Variants in EFCAB8 observed in about 807,000 individuals in gnomAD.
The protein encoded by EFCAB8 is EF-hand calcium-binding domain-containing protein 8.
EFCAB8 carries 100 observed loss-of-function variants against 116.3 expected under a neutral mutation model. That is an observed-to-expected ratio of 0.86 (90% CI 0.73 to 1.02). EFCAB8 has a LOEUF of 1.02. Ranked by LOEUF, EFCAB8 falls within the 50% of genes least tolerant of loss-of-function variation. EFCAB8 has a pLI of 0.00. For missense variants in EFCAB8, 1,320 were observed against 1,416.9 expected, an observed-to-expected ratio of 0.93 and a Z score of 1.10; for synonymous variants, 558 against 567.9, an observed-to-expected ratio of 0.98 and a Z score of 0.25.
chr20:32,892,406 C>A, intron 8 of EFCAB8, 109 bp downstream of exon 8: 1 of 908,486 alleles, frequency 1.1e-6, no homozygotes, highest in Non-Finnish European at 1.7e-6. Flanking sequence ...TTGGAAAGAT[C>A]TGGAAATATC....
intron 4 of EFCAB8, among the ~76,000 whole-genome samples, chr20:32,877,533 T>C (rs956045054): frequency 6.6e-6 from 1 of 152,230 alleles, no homozygotes; most frequent in Admixed American, 6.5e-5. Flanking sequence ...TAATGTTCTA[T>C]AATAAACATT....
At chr20:32,959,157 C>T (rs1335836371) in intron 24 of EFCAB8, among the ~76,000 whole-genome samples, 1 of 152,246 alleles carries the variant, frequency 6.6e-6, no homozygotes, top group Non-Finnish European at 1.5e-5. Context: ...GACATCCAGA[C>T]ACAGTCCTGC....
In EFCAB8 at chr20:32,893,208, G is replaced by A; in HGVS notation, c.793G>A (p.Asp265Asn). ...DYHRGVFCYGDAKGNVIVFTS... is the reference protein window; with the variant it reads ...DYHRGVFCYGNAKGNVIVFTS... ...TCACAGAGGTGTGTTCTGCTATGGAGACGCCAAAGGCAACGTCATTGTCTT... is the reference window on the plus strand; with the variant it reads ...TCACAGAGGTGTGTTCTGCTATGGAAACGCCAAAGGCAACGTCATTGTCTT... The change falls in exon 9 of 27, where the codon GAC (aspartate) becomes AAC (asparagine). Residue 265 changes from aspartate to asparagine, a missense_variant. Coordinates refer to ENST00000400522, the MANE Select transcript of EFCAB8 (RefSeq NM_001143967.2). 1.3e-6 allele frequency: 2 copies of A among 1,552,058 alleles called. No homozygotes were observed. Among genetic ancestry groups the A allele is most frequent in the Non-Finnish European group, 1.7e-6 (2 of 1,147,064 alleles).
chr20:32,931,020 G>T (rs1370620853), intron 21 of EFCAB8, among the ~76,000 whole-genome samples, 158 bp from the exon 22 acceptor site: 2 of 152,154 alleles, frequency 1.3e-5, no homozygotes, highest in East Asian at 1.9e-4. Flanking sequence ...GATCCCTAAG[G>T]CCCTTTCTGG....
At chr20:32,932,981 A>G (rs1035202606) in intron 22 of EFCAB8, among the ~76,000 whole-genome samples, 8 of 152,242 alleles carry the variant, frequency 5.3e-5, no homozygotes, top group Admixed American at 3.3e-4. Flanking sequence ...TATGTGAAGA[A>G]TTTATAATGT....
intron 7 of EFCAB8, among the ~76,000 whole-genome samples, chr20:32,891,573 G>C (rs1270760572): frequency 6.6e-6 from 1 of 152,202 alleles, no homozygotes; most frequent in African/African-American, 2.4e-5. Flanking sequence ...TGGAGCAGCT[G>C]TCATCTGCTC....
chr20:32,925,633 G>A lies in EFCAB8; in HGVS notation c.2413-4765G>A, dbSNP rs1055398387. 5.3e-5 allele frequency among the ~76,000 whole-genome samples: 8 copies of A among 152,366 alleles called. No homozygotes were observed. The East Asian group carries it at 7.7e-4, about 15-fold the overall frequency. The stretch of plus-strand genomic sequence containing the variant: ...CTCCCAAAGTGTTGGGATTACAGGC[G>A]TGAGCCACGGCGCCCAGCCCCTGAC... On this transcript the variant is annotated intron_variant, in intron 20 of 26. Transcript: ENST00000400522.
chr20:32,890,021 C>T (rs962470182), intron 7 of EFCAB8, among the ~76,000 whole-genome samples: 1 of 148,926 alleles, frequency 6.7e-6, no homozygotes, highest in South Asian at 2.1e-4. Flanking sequence ...AAAAAAAAAG[C>T]CTCTCCTGCA....
chr20:32,868,431 A>G (rs1265338529), intron 3 of EFCAB8, among the ~76,000 whole-genome samples: 1 of 152,162 alleles, frequency 6.6e-6, no homozygotes, highest in Non-Finnish European at 1.5e-5. Flanking sequence ...TTGCAAGCAT[A>G]TTGGAGGCTA....
chr20:32,862,556 C>G (rs1249198094), intron 1 of EFCAB8, among the ~76,000 whole-genome samples: 3 of 152,140 alleles, frequency 2.0e-5, no homozygotes, highest in African/African-American at 7.2e-5. Flanking sequence ...TGAGCTGTTG[C>G]CAAGACACTG....
Position 32,875,416 on chromosome 20 carries a change from G to C in EFCAB8, c.209-510G>C, listed in dbSNP as rs560973643. ...CTTTGGCTGGAGCCATCTCCCTTCT[G>C]TGCCCCCTGCAGTGGACCAGCTGAG... On this transcript the variant is annotated intron_variant, in intron 3 of 26. Coordinates refer to ENST00000400522, the MANE Select transcript of EFCAB8 (RefSeq NM_001143967.2). Among the ~76,000 whole-genome samples the C allele has an allele frequency of 1.3e-3, 192 of 151,784 alleles. 1 individual carries two copies. The highest frequency in any genetic ancestry group is 6.8e-3 in the Middle Eastern group (2 of 292).
At chr20:32,869,831 A>C (rs1169483369) in intron 3 of EFCAB8, among the ~76,000 whole-genome samples, 1 of 152,204 alleles carries the variant, frequency 6.6e-6, no homozygotes, top group South Asian at 2.1e-4. Context: ...ATATTGCTAC[A>C]TAATCTTCCA....
chr20:32,910,616 C>G (rs1986873398), intron 15 of EFCAB8, among the ~76,000 whole-genome samples: 1 of 152,172 alleles, frequency 6.6e-6, no homozygotes, highest in Non-Finnish European at 1.5e-5. Context: ...TGCCACCACC[C>G]TCTCTCACTG....
intron 22 of EFCAB8, among the ~76,000 whole-genome samples, chr20:32,935,192 C>CTTTCTTTTTTTTT (rs1988064158): frequency 2.9e-5 from 1 of 34,038 alleles, no homozygotes; most frequent in Non-Finnish European, 4.6e-5. Context: ...TTCTTTCTTT[C>CTTTCTTTTTTTTT]TTTTTTTTTT....
intron 5 of EFCAB8, among the ~76,000 whole-genome samples, chr20:32,879,921 C>T (rs1180913079): frequency 1.3e-5 from 2 of 152,180 alleles, no homozygotes; most frequent in East Asian, 1.9e-4. Flanking sequence ...AGGGGTTGAT[C>T]TGCCTCGCTG....
rs1986780964 is a variant in EFCAB8, at chr20:32,908,491, G to A, written c.1446+79G>A. 9 of 1,239,972 alleles carry A rather than the reference G, an allele frequency of 7.3e-6. No homozygotes were observed. The South Asian group carries it at 2.9e-4, about 40-fold the overall frequency. 76.8% of individuals were successfully genotyped at this position (1,239,972 alleles called of 1,614,324 possible). On this transcript the variant is annotated intron_variant, in intron 14 of 26. Coordinates refer to ENST00000400522, the MANE Select transcript of EFCAB8 (RefSeq NM_001143967.2). Reference sequence around the variant, plus strand: ...GTCTGAATCCCATGGGACACCCAAGGGGTGGCCACGTCCTGTCCCTCCTGG... The same window carrying A: ...GTCTGAATCCCATGGGACACCCAAGAGGTGGCCACGTCCTGTCCCTCCTGG...
chr20:32,961,246 G>A lies in EFCAB8; in HGVS notation c.3504G>A (p.Leu1168=). Residue 1168 remains leucine (L), a synonymous_variant, in exon 27 of 27, where the codon CTG becomes CTA. Transcript: ENST00000400522. ...ACCAGCAAGACCAGCACATCCGCCT[G>A]GTGGCCCACCATGTCCAGAAGGACC... The part of the protein sequence containing the change: ...GPDQQDQHIR[L]VAHHVQKDLV... The A allele has an allele frequency of 1.9e-6, 3 of 1,551,632 alleles. No individual in the cohort carries two copies. The highest frequency in any genetic ancestry group is 2.6e-6 in the Non-Finnish European group (3 of 1,146,822).
At chr20:32,954,067 A>G (rs1469277558) in intron 23 of EFCAB8, among the ~76,000 whole-genome samples, 2 of 152,092 alleles carry the variant, frequency 1.3e-5, no homozygotes, top group African/African-American at 4.8e-5. Flanking sequence ...CAGCCTCCCA[A>G]AGTGCTGGGA....
intron 1 of EFCAB8, among the ~76,000 whole-genome samples, chr20:32,860,663 TGCCCAG>T (rs1984067293): frequency 6.6e-6 from 1 of 152,014 alleles, no homozygotes; most frequent in Non-Finnish European, 1.5e-5. Flanking sequence ...TCAGCCATTG[TGCCCAG>T]GCTATTTTTT....
Sources: gnomAD v4.1 joint callset for allele counts (sites outside exome capture counted in the v4.1 genomes callset) on GRCh38, gnomAD v4.1.1 for gene constraint, MANE v1.5 for transcripts, NCBI Gene and HGNC (gene_info 2026-07-23, HGNC 2026-07-21) for gene names.